HACE1: variants seen among roughly 807,000 people sequenced by gnomAD.
HACE1 encodes the protein HECT domain and ankyrin repeat containing E3 ubiquitin protein ligase 1, also known as E3 ubiquitin-protein ligase HACE1.
HACE1 carries 73 observed loss-of-function variants against 118.4 expected under a neutral mutation model. The ratio of observed to expected loss-of-function variants is 0.62; its 90% CI spans 0.51 to 0.75. The LOEUF is 0.75. HACE1 is among the 30% of genes least tolerant of loss of function. HACE1 has a pLI of 0.00. For synonymous variants in HACE1, 368 were observed against 374.8 expected (o/e 0.98, Z 0.21); for missense variants, 749 against 1,102.2 (o/e 0.68, Z 4.54).
intron 14 of HACE1, 104 bp from the exon 15 acceptor site, chr6:104,777,421 G>A: frequency 1.3e-6 from 1 of 756,626 alleles, no homozygotes; most frequent in East Asian, 2.5e-5. Context: ...ATCATTCTTA[G>A]ATCTTTATTT....
chr6:104,743,295 T>C (rs903059898), intron 22 of HACE1, among the ~76,000 whole-genome samples: 1 of 150,548 alleles, frequency 6.6e-6, no homozygotes, highest in African/African-American at 2.4e-5. Flanking sequence ...ACATGTACCC[T>C]AAAACTTAAA....
At chr6:104,834,703 A>G (rs1774350668) in intron 5 of HACE1, among the ~76,000 whole-genome samples, 4 of 152,376 alleles carry the variant, frequency 2.6e-5, no homozygotes, top group African/African-American at 7.2e-5. Context: ...TTGTCAGATT[A>G]TACTTGTTGA....
chr6:104,784,562 C>T lies in HACE1; in HGVS notation c.1410-77G>A, dbSNP rs28403995. 8,094 of 944,240 alleles carry T rather than the reference C, an allele frequency of 8.6e-3. 419 individuals are homozygous for T. In the African/African-American group the frequency reaches 0.12, roughly 14 times the overall value. 58.5% of individuals were successfully genotyped at this position (944,240 alleles called of 1,614,324 possible). On this transcript the variant is annotated intron_variant, in intron 12 of 23. Transcript: ENST00000262903. ...ATATAGCGAACTTGATAAATATATA[C>T]TGAACTGGACTGGCTTCTAAACCAA...
intron 19 of HACE1, among the ~76,000 whole-genome samples, chr6:104,764,044 C>T (rs1343502982): frequency 1.3e-5 from 2 of 151,992 alleles, no homozygotes; most frequent in African/African-American, 2.4e-5. Flanking sequence ...AAGATTTTAT[C>T]TCAAACAAAC....
intron 19 of HACE1, among the ~76,000 whole-genome samples, chr6:104,770,344 G>A (rs1780476569): frequency 6.6e-6 from 1 of 152,052 alleles, no homozygotes; most frequent in Non-Finnish European, 1.5e-5. Context: ...AAATCTTAAA[G>A]TCATATTATG....
intron 14 of HACE1, among the ~76,000 whole-genome samples, chr6:104,778,601 C>T (rs961655089): frequency 6.6e-6 from 1 of 151,906 alleles, no homozygotes; most frequent in Admixed American, 6.6e-5. Context: ...TTGAGACCAG[C>T]CTGGGCAACA....
At chr6:104,781,429 C>T (rs1367983989) in intron 14 of HACE1, among the ~76,000 whole-genome samples, 1 of 152,082 alleles carries the variant, frequency 6.6e-6, no homozygotes, top group African/African-American at 2.4e-5. Flanking sequence ...TCCAAGGAGC[C>T]CTGGTTCATT....
intron 19 of HACE1, among the ~76,000 whole-genome samples, chr6:104,769,311 A>G (rs1405974949): frequency 6.6e-6 from 1 of 152,138 alleles, no homozygotes; most frequent in African/African-American, 2.4e-5. Context: ...CTGGAATACA[A>G]TTGTTACTAG....
At chr6:104,732,849 G>A (rs1039833739) in intron 22 of HACE1, among the ~76,000 whole-genome samples, 1 of 152,132 alleles carries the variant, frequency 6.6e-6, no homozygotes, top group South Asian at 2.1e-4. Context: ...TTCTATCTGG[G>A]AAGTCGTCTG....
intron 14 of HACE1, chr6:104,780,304 A>G: frequency 2.3e-6 from 1 of 438,606 alleles, no homozygotes; most frequent in Non-Finnish European, 4.5e-6. Context: ...ACATACAAAC[A>G]CCTACACAGC....
At chr6:104,758,616 C>T (rs757943201) in intron 19 of HACE1, among the ~76,000 whole-genome samples, 10 of 152,108 alleles carry the variant, frequency 6.6e-5, no homozygotes, top group Non-Finnish European at 1.2e-4. Flanking sequence ...TAAAGACCAT[C>T]GACGCTATGA....
intron 1 of HACE1, 57 bp from the exon 2 acceptor site, chr6:104,852,428 C>A: frequency 9.7e-7 from 1 of 1,034,124 alleles, no homozygotes; most frequent in South Asian, 1.3e-5. Flanking sequence ...AGGGGTGATA[C>A]TTAAGATTAG....
At chr6:104,846,141 G>A (rs1775649527) in intron 4 of HACE1, among the ~76,000 whole-genome samples, 1 of 152,208 alleles carries the variant, frequency 6.6e-6, no homozygotes, top group South Asian at 2.1e-4. Context: ...TACAGGGAAT[G>A]TAGGAGAGAA....
intron 6 of HACE1, among the ~76,000 whole-genome samples, chr6:104,818,469 G>A: frequency 6.6e-6 from 1 of 151,980 alleles, no homozygotes; most frequent in Non-Finnish European, 1.5e-5. Context: ...ACAAAGAAAA[G>A]CTGCTACCAT....
intron 5 of HACE1, among the ~76,000 whole-genome samples, chr6:104,842,708 A>G (rs1489713920): frequency 2.0e-5 from 3 of 152,212 alleles, no homozygotes; most frequent in Non-Finnish European, 4.4e-5. Context: ...AAAATAAACA[A>G]AAGTCATAAA....
At chr6:104,809,058 A>G (rs1024351193) in intron 7 of HACE1, among the ~76,000 whole-genome samples, 20 of 152,194 alleles carry the variant, frequency 1.3e-4, no homozygotes, top group Admixed American at 1.0e-3. Flanking sequence ...CAACACTAAC[A>G]TGTCTCTATT....
chr6:104,788,235 C>T (rs546650007), intron 11 of HACE1, among the ~76,000 whole-genome samples: 7 of 151,984 alleles, frequency 4.6e-5, no homozygotes, highest in African/African-American at 9.6e-5. Context: ...CATTTGTTAC[C>T]GAACAATGAG....
At chr6:104,804,444 A>C (rs1387040856) in intron 7 of HACE1, among the ~76,000 whole-genome samples, 1 of 152,206 alleles carries the variant, frequency 6.6e-6, no homozygotes, top group Admixed American at 6.5e-5. Context: ...TGGCAGCATC[A>C]TGCTACCTGA....
chr6:104,743,468 T>C (rs1026401817), intron 22 of HACE1, among the ~76,000 whole-genome samples: 3 of 152,002 alleles, frequency 2.0e-5, no homozygotes, highest in African/African-American at 7.2e-5. Flanking sequence ...TTTTCTATTT[T>C]CTAACTTTCC....
Sources: allele counts gnomAD v4.1 joint callset (sites outside exome capture counted in the v4.1 genomes callset), GRCh38; gene constraint gnomAD v4.1.1; transcripts MANE v1.5; gene names NCBI Gene and HGNC (gene_info 2026-07-23, HGNC 2026-07-21).